Variants in ERLIN1 observed in about 807,000 individuals in gnomAD.
ERLIN1 encodes the protein erlin-1.
Under a neutral mutation model 46.9 loss-of-function variants are expected in ERLIN1, and 24 were observed. That is an observed-to-expected ratio of 0.51 (90% CI 0.37 to 0.72). The LOEUF is 0.72. ERLIN1 is among the 30% of genes least tolerant of loss of function. ERLIN1 has a pLI of 0.00. For missense variants in ERLIN1, 293 were observed against 417.9 expected (o/e 0.70, Z 2.61); for synonymous variants, 158 against 143.2 (o/e 1.10, Z -0.74).
chr10:100,164,361 T>C (rs953201964), intron 7 of ERLIN1, among the ~76,000 whole-genome samples: 1 of 152,224 alleles, frequency 6.6e-6, no homozygotes, highest in African/African-American at 2.4e-5. Flanking sequence ...CCTAGTTGTA[T>C]TGTGTAAAGC....
intron 8 of ERLIN1, among the ~76,000 whole-genome samples, chr10:100,160,783 C>A (rs1843328167): frequency 6.6e-6 from 1 of 152,078 alleles, no homozygotes; most frequent in South Asian, 2.1e-4. Flanking sequence ...CCTGTCTCTA[C>A]AGAAAATACA....
chr10:100,176,572 C>CG (rs977955633), intron 4 of ERLIN1, among the ~76,000 whole-genome samples: 1 of 151,954 alleles, frequency 6.6e-6, no homozygotes, highest in African/African-American at 2.4e-5. Flanking sequence ...TTTAAAAAGG[C>CG]AATTTTTTAA....
At chr10:100,180,465 A>T (rs1844571341) in intron 2 of ERLIN1, among the ~76,000 whole-genome samples, 1 of 152,254 alleles carries the variant, frequency 6.6e-6, no homozygotes, top group Non-Finnish European at 1.5e-5. Flanking sequence ...TGAAAAAAAT[A>T]GTAGTTTGAA....
intron 2 of ERLIN1, among the ~76,000 whole-genome samples, chr10:100,181,453 T>C (rs1026871757): frequency 6.6e-6 from 1 of 152,208 alleles, no homozygotes; most frequent in African/African-American, 2.4e-5. Context: ...GGACTATGTC[T>C]TCTAATATGT....
At chr10:100,158,534 G>GA (rs145102308) in intron 8 of ERLIN1, among the ~76,000 whole-genome samples, 7,366 of 148,240 alleles carry the variant, frequency 0.05, 600 homozygotes, top group African/African-American at 0.17. Context: ...AGTCTTCACT[G>GA]AAAAAAAAAT....
At chr10:100,174,342 A>T in intron 5 of ERLIN1, 61 bp from the exon 6 acceptor site, 3 of 1,198,630 alleles carry the variant, frequency 2.5e-6, no homozygotes. Flanking sequence ...CATTGTATTC[A>T]TAATGAAACA....
At chr10:100,158,272 C>T (rs578050788) in intron 8 of ERLIN1, among the ~76,000 whole-genome samples, 19 of 152,286 alleles carry the variant, frequency 1.2e-4, no homozygotes, top group African/African-American at 4.3e-4. Flanking sequence ...CACAGTGAAA[C>T]TGAAGAACAC....
chr10:100,155,538 G>A (rs1160172875), intron 9 of ERLIN1, among the ~76,000 whole-genome samples: 1 of 151,102 alleles, frequency 6.6e-6, no homozygotes, highest in African/African-American at 2.4e-5. Context: ...TTTTTGAGAC[G>A]GAGTCTCGCT....
At chr10:100,152,423 C>T in intron 10 of ERLIN1, 71 bp from the exon 11 acceptor site, 1 of 878,730 alleles carries the variant, frequency 1.1e-6, no homozygotes, top group African/African-American at 1.6e-5. Flanking sequence ...TCCCTATATA[C>T]ATTTCACCTA....
chr10:100,181,650 G>A (rs938669219), intron 2 of ERLIN1, among the ~76,000 whole-genome samples: 2 of 151,866 alleles, frequency 1.3e-5, no homozygotes, highest in Non-Finnish European at 2.9e-5. Context: ...AAATAGCTGG[G>A]ATTACAGGCA....
At chr10:100,179,132 G>A (rs1429378089) in intron 3 of ERLIN1, 69 bp downstream of exon 3, 35 of 1,193,534 alleles carry the variant, frequency 2.9e-5, no homozygotes, top group Admixed American at 5.9e-5. Flanking sequence ...ATGTCTAAGT[G>A]ATCATAGCTG....
At chr10:100,154,598 C>A (rs1222241799) in intron 10 of ERLIN1, among the ~76,000 whole-genome samples, 2 of 152,178 alleles carry the variant, frequency 1.3e-5, no homozygotes, top group Non-Finnish European at 2.9e-5. Context: ...TCTTCTGTCA[C>A]TCTTATTTCA....
intron 8 of ERLIN1, 34 bp downstream of exon 8, chr10:100,163,970 C>A: frequency 4.3e-6 from 6 of 1,388,622 alleles, no homozygotes; most frequent in Non-Finnish European, 5.1e-6. Context: ...AACAAATGTA[C>A]TTAGAGACAA....
chr10:100,183,052 C>A (rs998173332), intron 2 of ERLIN1, among the ~76,000 whole-genome samples: 2 of 152,166 alleles, frequency 1.3e-5, no homozygotes, highest in Non-Finnish European at 1.5e-5. Context: ...TTAAATAACA[C>A]AGAATTTTCC....
At chr10:100,179,152 A>C in intron 3 of ERLIN1, 49 bp downstream of exon 3, 1 of 1,434,910 alleles carries the variant, frequency 7.0e-7, no homozygotes. Context: ...GTAGGAACAG[A>C]AACTCTGTCT....
intron 2 of ERLIN1, among the ~76,000 whole-genome samples, chr10:100,182,530 G>A (rs1036643686): frequency 7.9e-5 from 12 of 152,084 alleles, no homozygotes; most frequent in African/African-American, 2.7e-4. Context: ...ACACCACATT[G>A]CTTCCTGAGA....
chr10:100,179,426 G>T (rs907294609), intron 2 of ERLIN1, among the ~76,000 whole-genome samples, 179 bp from the exon 3 acceptor site: 2 of 151,774 alleles, frequency 1.3e-5, no homozygotes, highest in African/African-American at 4.8e-5. Flanking sequence ...TAGTAGAAAT[G>T]AAAGACTTGA....
intron 1 of ERLIN1, among the ~76,000 whole-genome samples, chr10:100,184,857 C>T (rs999361945): frequency 2.0e-5 from 3 of 152,054 alleles, no homozygotes; most frequent in Non-Finnish European, 4.4e-5. Context: ...CACCATTATC[C>T]CAATTTCTCC....
intron 2 of ERLIN1, among the ~76,000 whole-genome samples, chr10:100,179,683 C>A (rs1002386553): frequency 6.6e-6 from 1 of 152,182 alleles, no homozygotes; most frequent in African/African-American, 2.4e-5. Flanking sequence ...TCTTGAACTC[C>A]TGGCCTCAAG....
Sources: allele counts gnomAD v4.1 joint callset (sites outside exome capture counted in the v4.1 genomes callset), GRCh38; gene constraint gnomAD v4.1.1; transcripts MANE v1.5; gene names NCBI Gene and HGNC (gene_info 2026-07-23, HGNC 2026-07-21).